SUPT20H: variants seen among roughly 807,000 people sequenced by gnomAD.
The protein encoded by SUPT20H is transcription factor SPT20 homolog.
In SUPT20H, 82 loss-of-function variants were observed where a neutral mutation model predicts 122.8. The ratio of observed to expected loss-of-function variants is 0.67; its 90% CI spans 0.56 to 0.80. SUPT20H has a LOEUF of 0.80. SUPT20H is among the 30% of genes least tolerant of loss of function. The probability of loss-of-function intolerance (pLI) is 0.00; values close to 1 mark genes in which losing one functional copy is unlikely to be tolerated. For synonymous variants in SUPT20H, 291 were observed against 313.0 expected, an observed-to-expected ratio of 0.93 and a Z score of 0.74; for missense variants, 831 against 921.6, an observed-to-expected ratio of 0.90 and a Z score of 1.27.
chr13:37,028,485 C>A (rs1014147250), intron 13 of SUPT20H, among the ~76,000 whole-genome samples, 180 bp from the exon 14 acceptor site: 2 of 152,004 alleles, frequency 1.3e-5, no homozygotes, highest in African/African-American at 4.8e-5. Flanking sequence ...CGGTTCTTTT[C>A]CTAAAAACTA....
intron 1 of SUPT20H, among the ~76,000 whole-genome samples, chr13:37,055,300 A>G (rs1023379149): frequency 7.8e-5 from 10 of 127,702 alleles, no homozygotes; most frequent in South Asian, 6.3e-4. Flanking sequence ...AAAAGAGCCC[A>G]CATTGCCAAG....
In SUPT20H at chr13:37,022,553, T is replaced by A. The variant is rs1322689929; in HGVS notation, c.1592-473A>T. The A allele has an allele frequency of 2.5e-6, 3 of 1,205,266 alleles. No individual in the cohort carries two copies. Among genetic ancestry groups the A allele is most frequent in the Non-Finnish European group, 3.1e-6 (3 of 971,280 alleles). The allele number at this position is 1,205,266 out of a possible 1,614,324, so 74.7% of individuals were successfully genotyped here. A position where few individuals can be genotyped will look rare whatever the true frequency, so the allele number is the denominator to read the frequency against. On this transcript the variant is annotated intron_variant, in intron 19 of 25. Coordinates refer to ENST00000350612, the MANE Select transcript of SUPT20H (RefSeq NM_001014286.3). This position sits in a 1 kb window ranked among gnomAD's most constrained non-coding sequence, Gnocchi z 4.5. Reference sequence around the variant, plus strand: ...ATTAAAGATGCTATTGCAGTAACAGTAAAAATATACAGTTATATTCTACCA... The same window carrying A: ...ATTAAAGATGCTATTGCAGTAACAGAAAAAATATACAGTTATATTCTACCA...
intron 23 of SUPT20H, chr13:37,013,244 A>T (rs576873967): frequency 6.6e-6 from 1 of 152,280 alleles, no homozygotes; most frequent in Non-Finnish European, 1.5e-5. Context: ...TGGCTGAAGG[A>T]GAGACACATA....
Position 37,033,492 on chromosome 13 carries a change from G to C in SUPT20H, c.664C>G (p.Leu222Val). ...TTCATCTTTTGCTTGTTATAGAGCAGTCTGTTTGCAGTGCAGGTGACTGCT... is the reference window on the plus strand; with the variant it reads ...TTCATCTTTTGCTTGTTATAGAGCACTCTGTTTGCAGTGCAGGTGACTGCT... Reference protein sequence around the residue: ...SIAVTCTANRLLYNKQKMNTR... With the variant: ...SIAVTCTANRVLYNKQKMNTR... The change falls in exon 10 of 26, where the codon CTG (leucine) becomes GTG (valine). Residue 222 changes from leucine (L) to valine (V), a missense_variant. Physicochemically the swap from Leu to Val is conservative, Grantham distance 32 (BLOSUM62 1). Transcript: ENST00000350612. The C allele has an allele frequency of 1.2e-6, 2 of 1,613,294 alleles. No homozygotes were observed. Among genetic ancestry groups the C allele is most frequent in the Non-Finnish European group, 1.7e-6 (2 of 1,179,650 alleles).
intron 1 of SUPT20H, among the ~76,000 whole-genome samples, chr13:37,057,769 T>G (rs1308689737): frequency 6.6e-6 from 1 of 151,910 alleles, no homozygotes; most frequent in South Asian, 2.1e-4. Context: ...AGCCCTGGAG[T>G]TCGAGACCAG....
chr13:37,056,022 C>G (rs561589607), intron 1 of SUPT20H, among the ~76,000 whole-genome samples: 1 of 152,266 alleles, frequency 6.6e-6, no homozygotes, highest in East Asian at 1.9e-4. Flanking sequence ...AAAAAATGCT[C>G]ATCACTGGCC....
At chr13:37,010,429 ATTAT>A in intron 25 of SUPT20H, 119 bp downstream of exon 25, 1 of 829,232 alleles carries the variant, frequency 1.2e-6, no homozygotes, top group East Asian at 2.7e-5. Context: ...AATTTGCTAA[ATTAT>A]TTACCAATTA....
chr13:37,031,904 T>C lies in SUPT20H; in HGVS notation c.708-9A>G. On this transcript the variant is annotated splice_polypyrimidine_tract_variant and intron_variant, in intron 10 of 25. Coordinates refer to ENST00000350612, the MANE Select transcript of SUPT20H (RefSeq NM_001014286.3). Reference sequence around the variant, plus strand: ...AATACCTCTTGAAACACCTGAAATATTAAGAAATTTGAACTAAACGGCACT... The same window carrying C: ...AATACCTCTTGAAACACCTGAAATACTAAGAAATTTGAACTAAACGGCACT... The C allele has an allele frequency of 1.9e-6, 3 of 1,569,596 alleles. No individual in the cohort carries two copies. Among genetic ancestry groups the C allele is most frequent in the Non-Finnish European group, 2.6e-6 (3 of 1,166,632 alleles).
chr13:37,035,811 A>C (rs1030712226), intron 9 of SUPT20H, among the ~76,000 whole-genome samples: 4 of 152,192 alleles, frequency 2.6e-5, no homozygotes, highest in African/African-American at 9.6e-5. Flanking sequence ...GATTACAGGC[A>C]CAAGCCATGG....
In SUPT20H at chr13:37,020,629, G is replaced by A. The variant is rs572943034; in HGVS notation, c.1816+819C>T. Reference sequence around the variant, plus strand: ...GGCACACTTATGCTTATTAAAATAAGAACACTAGCTAGAATTAGGAAATTA... The same window carrying A: ...GGCACACTTATGCTTATTAAAATAAAAACACTAGCTAGAATTAGGAAATTA... On this transcript the variant is annotated intron_variant, in intron 21 of 25. Coordinates refer to ENST00000350612, the MANE Select transcript of SUPT20H (RefSeq NM_001014286.3). 2.5e-3 allele frequency among the ~76,000 whole-genome samples: 382 copies of A among 152,212 alleles called. 3 individuals are homozygous for A. Among genetic ancestry groups the A allele is most frequent in the African/African-American group, 8.8e-3 (367 of 41,522 alleles).
chr13:37,009,776 C>T lies in SUPT20H; in HGVS notation c.2236G>A (p.Ala746Thr). ...TGAGCTGTTTGTGCTGCTGCTGCTG[C>T]CATAGCCATTTGATGCTGCAAGAAT... ...LRFLQHQMAM[A>T]AAAAQTAQLH... The change falls in exon 26 of 26, where the codon GCA becomes ACA. Residue 746 changes from alanine to threonine, a missense_variant. Physicochemically the swap from Ala to Thr is moderately conservative, Grantham distance 58 (BLOSUM62 0). Transcript: ENST00000350612. The T allele has an allele frequency of 6.2e-7, 1 of 1,612,672 alleles. No homozygotes were observed. The highest frequency in any genetic ancestry group is 8.5e-7 in the Non-Finnish European group (1 of 1,179,650).
chr13:37,023,668 TATC>T (rs2061731038), intron 19 of SUPT20H: 1 of 158,874 alleles, frequency 6.3e-6, no homozygotes, highest in African/African-American at 2.4e-5. Context: ...ATTTTTTTCA[TATC>T]AGCCACACAA....
intron 22 of SUPT20H, 121 bp downstream of exon 22, chr13:37,019,221 C>T (rs2061058006): frequency 1.5e-6 from 1 of 655,718 alleles, no homozygotes. Flanking sequence ...ATAATAACCA[C>T]ACCCTTAGAA....
At chr13:37,049,705 C>T (rs966800904) in intron 2 of SUPT20H, among the ~76,000 whole-genome samples, 5 of 152,114 alleles carry the variant, frequency 3.3e-5, no homozygotes, top group Non-Finnish European at 7.4e-5. Flanking sequence ...TGCTATTGTA[C>T]TACAGTCTGG....
chr13:37,016,931 G>C (rs1398264658), intron 23 of SUPT20H, among the ~76,000 whole-genome samples: 2 of 152,054 alleles, frequency 1.3e-5, no homozygotes, highest in Non-Finnish European at 2.9e-5. Flanking sequence ...ATAATGATGG[G>C]GTAGAAAATA....
chr13:37,028,034 A>G, intron 14 of SUPT20H, 114 bp downstream of exon 14: 2 of 961,758 alleles, frequency 2.1e-6, no homozygotes, highest in Non-Finnish European at 2.9e-6. Context: ...TTTAACTAAT[A>G]AGTGAGTTCC....
intron 23 of SUPT20H, among the ~76,000 whole-genome samples, chr13:37,016,333 G>C (rs2060488366): frequency 6.6e-6 from 1 of 151,964 alleles, no homozygotes; most frequent in Admixed American, 6.6e-5. Context: ...GGGAGGCTGA[G>C]GCAGGAGAAT....
intron 1 of SUPT20H, among the ~76,000 whole-genome samples, chr13:37,054,295 G>A (rs1401298256): frequency 6.6e-6 from 1 of 152,150 alleles, no homozygotes; most frequent in East Asian, 1.9e-4. Flanking sequence ...TGATACCAAA[G>A]CCTGGCAGAG....
chr13:37,050,365 A>AC, intron 2 of SUPT20H, among the ~76,000 whole-genome samples: 2 of 151,192 alleles, frequency 1.3e-5, no homozygotes, highest in South Asian at 2.1e-4. Context: ...AAAAAAAAAA[A>AC]AAAAACTTAT....
Sources: allele counts gnomAD v4.1 joint callset (sites outside exome capture counted in the v4.1 genomes callset), GRCh38; gene constraint gnomAD v4.1.1; non-coding constraint Gnocchi (gnomAD v3.1); transcripts MANE v1.5; gene names NCBI Gene and HGNC (gene_info 2026-07-23, HGNC 2026-07-21).